The following ACADM variants were observed in gnomAD, a reference collection of about 807,000 sequenced individuals.
ACADM encodes medium-chain specific acyl-CoA dehydrogenase, mitochondrial.
In ACADM, 49 loss-of-function variants were observed where a neutral mutation model predicts 58.9. The observed-to-expected ratio is 0.83, with a 90% CI of 0.66 to 1.06. ACADM has a LOEUF of 1.06. Ranked by LOEUF, ACADM falls within the 50% of genes least tolerant of loss-of-function variation. The pLI, the probability that ACADM is intolerant of heterozygous loss-of-function variation, is 0.00. For missense variants in ACADM, 496 were observed against 507.0 expected (o/e 0.98, Z 0.21); for synonymous variants, 160 against 157.7 (o/e 1.01, Z -0.11).
In ACADM at chr1:75,733,248, C is replaced by T. The variant is rs112225220; in HGVS notation, c.287-280C>T. 1.5e-5 allele frequency: 23 copies of T among 1,500,016 alleles called. No individual in the cohort carries two copies. The African/African-American group carries it at 1.8e-4, about 12-fold the overall frequency. The allele number at this position is 1,500,016 out of a possible 1,614,324, so 92.9% of individuals were successfully genotyped here. A position where few individuals can be genotyped will look rare whatever the true frequency, so the allele number is the denominator to read the frequency against. ...TTTTTTGTGAACCATGATTCTTTTC[C>T]TCAGACCCAGTTTTAGAGTTGAATT... On this transcript the variant is annotated intron_variant, in intron 4 of 11. Coordinates refer to ENST00000370841, the MANE Select transcript of ACADM (RefSeq NM_000016.6).
At chr1:75,744,547 G>A (rs1401495456) in intron 7 of ACADM, 8 of 1,493,746 alleles carry the variant, frequency 5.4e-6, no homozygotes, top group East Asian at 4.5e-5. Context: ...TTCTGCAAAC[G>A]CTGGGGTTTT....
intron 6 of ACADM, 76 bp downstream of exon 6, chr1:75,734,947 A>G: frequency 9.2e-7 from 1 of 1,083,116 alleles, no homozygotes; most frequent in Non-Finnish European, 1.4e-6. Context: ...TTCAGTCTAT[A>G]TGTATATATT....
chr1:75,725,209 T>C (rs906453763), intron 1 of ACADM, among the ~76,000 whole-genome samples: 1 of 151,918 alleles, frequency 6.6e-6, no homozygotes, highest in Non-Finnish European at 1.5e-5. Flanking sequence ...TTTAATAAGC[T>C]TTTCGTTGTA....
intron 8 of ACADM, among the ~76,000 whole-genome samples, chr1:75,747,730 T>A (rs1309525182): frequency 6.6e-6 from 1 of 152,212 alleles, no homozygotes; most frequent in East Asian, 1.9e-4. Context: ...AAGGCTGCAG[T>A]GAGCCATGCT....
intron 2 of ACADM, among the ~76,000 whole-genome samples, chr1:75,731,780 T>C (rs1647153126): frequency 6.6e-6 from 1 of 151,670 alleles, no homozygotes; most frequent in African/African-American, 2.4e-5. Flanking sequence ...ATCCCAGCAC[T>C]TTAGGAGACC....
chr1:75,762,055 G>A (rs1337829500), intron 11 of ACADM, among the ~76,000 whole-genome samples: 1 of 152,212 alleles, frequency 6.6e-6, no homozygotes, highest in African/African-American at 2.4e-5. Context: ...TGAAAAAACT[G>A]AGGTCCAGAA....
rs193140641 is a variant in ACADM at position 75,762,896 on chromosome 1, T to C, written c.*133T>C. The C allele has an allele frequency of 3.9e-4, 244 of 622,040 alleles. 1 individual carries two copies. The highest frequency in any genetic ancestry group is 3.9e-3 in the African/African-American group (211 of 53,834). 38.5% of individuals were successfully genotyped at this position (622,040 alleles called of 1,614,324 possible). A position where few individuals can be genotyped will look rare whatever the true frequency, so the allele number is the denominator to read the frequency against. On this transcript the variant is annotated 3_prime_UTR_variant, in exon 12 of 12. Transcript: ENST00000370841. Reference sequence around the variant, plus strand: ...ATTAAATCTAAGCAACTGCTTATTATAGTAGTTTATACTTTTGCTTAACTC... The same window carrying C: ...ATTAAATCTAAGCAACTGCTTATTACAGTAGTTTATACTTTTGCTTAACTC...
intron 7 of ACADM, among the ~76,000 whole-genome samples, chr1:75,743,022 T>C (rs1307499190): frequency 1.3e-5 from 2 of 152,060 alleles, no homozygotes; most frequent in Non-Finnish European, 2.9e-5. Flanking sequence ...TCCTCCTAGA[T>C]GTCTCTGCAG....
At chr1:75,733,223 T>G in intron 4 of ACADM, 1 of 1,560,866 alleles carries the variant, frequency 6.4e-7, no homozygotes, top group Non-Finnish European at 8.7e-7. Flanking sequence ...TTATTGAGTC[T>G]TTTTTGTGAA....
chr1:75,758,394 A>T (rs1016431889), intron 10 of ACADM, among the ~76,000 whole-genome samples: 1 of 152,180 alleles, frequency 6.6e-6, no homozygotes, highest in African/African-American at 2.4e-5. Context: ...TAAAGGATAC[A>T]GATGAAGAGA....
chr1:75,737,208 G>C lies in ACADM; in HGVS notation c.468+2337G>C, dbSNP rs1274086142. 2.1e-5 allele frequency among the ~76,000 whole-genome samples: 3 copies of C among 144,506 alleles called. No individual in the cohort carries two copies. In the Admixed American group the frequency reaches 2.1e-4, roughly 10 times the overall value. The allele number at this position is 144,506 out of a possible 152,430, so 94.8% of individuals were successfully genotyped here. On this transcript the variant is annotated intron_variant, in intron 6 of 11. Coordinates refer to ENST00000370841, the MANE Select transcript of ACADM (RefSeq NM_000016.6). The stretch of plus-strand genomic sequence containing the variant: ...AACACTTTGGGAAGCCAAGGCAGGA[G>C]GATCGCTTGAGGCCAGGAGTTCAAG...
intron 5 of ACADM, among the ~76,000 whole-genome samples, chr1:75,734,330 AT>A (rs35823639): frequency 0.54 from 72,644 of 133,354 alleles, 19,502 homozygotes; most frequent in African/African-American, 0.67. Context: ...TGCCCGGCTA[AT>A]TTTTTTTTTT....
chr1:75,749,455 G>A lies in ACADM; in HGVS notation c.745G>A (p.Gly249Arg). 4 of 1,614,008 alleles carry A rather than the reference G, an allele frequency of 2.5e-6. No homozygotes were observed. Among genetic ancestry groups the A allele is most frequent in the Non-Finnish European group, 3.4e-6 (4 of 1,179,964 alleles). The change falls in exon 9 of 12, where the codon GGA (glycine) becomes AGA (arginine). Residue 249 changes from glycine (G) to arginine (R), a missense_variant. Coordinates refer to ENST00000370841, the MANE Select transcript of ACADM (RefSeq NM_000016.6). ...GGGCCAGCGATGTTCAGATACTAGA[G>A]GAATTGTCTTCGAAGATGTGAAAGT... ...NMGQRCSDTRGIVFEDVKVPK... is the reference protein window; with the variant it reads ...NMGQRCSDTRRIVFEDVKVPK...
In ACADM at chr1:75,732,725, A is replaced by G. The variant is rs796051897; in HGVS notation, c.200A>G (p.Tyr67Cys). The G allele has an allele frequency of 1.2e-6, 2 of 1,613,806 alleles. No individual in the cohort carries two copies. The highest frequency in any genetic ancestry group is 1.7e-6 in the Non-Finnish European group (2 of 1,179,698). The stretch of plus-strand genomic sequence containing the variant: ...GAAATCATCCCAGTGGCTGCAGAAT[A>G]TGATAAAACTGGTGAAGTAGGTATA... ...REEIIPVAAE[Y>C]DKTGEYPVPL... The change falls in exon 3 of 12, where the codon TAT becomes TGT. Residue 67 changes from tyrosine to cysteine, a missense_variant. Tyr to Cys is a radical substitution (Grantham distance 194). Coordinates refer to ENST00000370841, the MANE Select transcript of ACADM (RefSeq NM_000016.6).
intron 7 of ACADM, among the ~76,000 whole-genome samples, chr1:75,742,798 G>C (rs558768732): frequency 4.1e-4 from 62 of 152,244 alleles, no homozygotes; most frequent in African/African-American, 1.5e-3. Context: ...GGGAACCTCT[G>C]CTCTCTCCTC....
Position 75,763,584 on chromosome 1 carries a change from T to C in ACADM, c.*821T>C, listed in dbSNP as rs1037447207. 32 of 152,188 alleles carry C rather than the reference T, an allele frequency of 2.1e-4. No homozygotes were observed. Among genetic ancestry groups the C allele is most frequent in the African/African-American group, 5.5e-4 (23 of 41,462 alleles). 9.4% of individuals were successfully genotyped at this position (152,188 alleles called of 1,614,324 possible). On this transcript the variant is annotated 3_prime_UTR_variant, in exon 12 of 12. Transcript: ENST00000370841. ...ATTTACTATGATGAAAAAAGGTCGTTTTAATTTTGAATTGAATAAAGTTAC... is the reference window on the plus strand; with the variant it reads ...ATTTACTATGATGAAAAAAGGTCGTCTTAATTTTGAATTGAATAAAGTTAC...
At chr1:75,732,589 T>C in intron 2 of ACADM, 55 bp from the exon 3 acceptor site, 1 of 1,331,184 alleles carries the variant, frequency 7.5e-7, no homozygotes. Flanking sequence ...ACTGACTTCA[T>C]AGGACATTTT....
At chr1:75,761,743 A>G (rs1648874028) in intron 11 of ACADM, 2 of 243,248 alleles carry the variant, frequency 8.2e-6, no homozygotes, top group Non-Finnish European at 1.6e-5. Context: ...TATTGTAACT[A>G]TACTTGGAGT....
rs753928772 is a variant in ACADM at position 75,762,754 on chromosome 1, C to A, written c.1257C>A (p.Tyr419Ter). The change falls in exon 12 of 12, where the codon TAC becomes TAA. Residue 419 changes from tyrosine (Y) to a stop codon, truncating the protein, a stop_gained. Coordinates refer to ENST00000370841, the MANE Select transcript of ACADM (RefSeq NM_000016.6). LOFTEE classifies it high-confidence loss of function. Reference sequence around the variant, plus strand: ...TAGCCCGTGAACACATTGACAAGTACAAAAATTAAAAAAATTACTGTAGAA... The same window carrying A: ...TAGCCCGTGAACACATTGACAAGTAAAAAAATTAAAAAAATTACTGTAGAA... ...LIVAREHIDK[Y>*]KN is the part of the protein sequence containing the mutation. 1.2e-5 allele frequency: 19 copies of A among 1,592,128 alleles called. No homozygotes were observed. The highest frequency in any genetic ancestry group is 8.6e-7 in the Non-Finnish European group (1 of 1,162,088).
Sources: gnomAD v4.1 joint callset for allele counts (sites outside exome capture counted in the v4.1 genomes callset) on GRCh38, gnomAD v4.1.1 for gene constraint, MANE v1.5 for transcripts, NCBI Gene and HGNC (gene_info 2026-07-23, HGNC 2026-07-21) for gene names.